Variants in ZNF521 observed in about 807,000 individuals in gnomAD.
The protein encoded by ZNF521 is LYST-interacting protein 3.
In ZNF521, 14 loss-of-function variants were observed where a neutral mutation model predicts 105.5. That is an observed-to-expected ratio of 0.13 (90% CI 0.09 to 0.21). The LOEUF (loss-of-function observed/expected upper bound fraction) is 0.21. ZNF521 is among the 10% of genes least tolerant of loss of function. The pLI, the probability that ZNF521 is intolerant of heterozygous loss-of-function variation, is 1.00. For missense variants in ZNF521, 1,233 were observed against 1,629.7 expected (o/e 0.76, Z 4.19); for synonymous variants, 635 against 606.0 (o/e 1.05, Z -0.70).
intron 5 of ZNF521, among the ~76,000 whole-genome samples, chr18:25,125,723 C>CTT (rs34007183): frequency 1.4e-5 from 2 of 147,056 alleles, no homozygotes; most frequent in Non-Finnish European, 1.5e-5. Context: ...TTCAAAACTG[C>CTT]TTTTTTTTTT....
chr18:25,300,430 A>G (rs114444032), intron 3 of ZNF521, among the ~76,000 whole-genome samples: 3,997 of 152,328 alleles, frequency 0.026, 172 homozygotes, highest in African/African-American at 0.092. Flanking sequence ...CGATGACAAT[A>G]TAATAGAAAT....
intron 3 of ZNF521, among the ~76,000 whole-genome samples, chr18:25,288,750 G>C (rs917975189): frequency 1.3e-5 from 2 of 152,116 alleles, no homozygotes; most frequent in Admixed American, 6.6e-5. Flanking sequence ...ACGTTACCCA[G>C]TTCCTAGGTA....
At chr18:25,219,467 AGTGG>A (rs1905550908) in intron 4 of ZNF521, among the ~76,000 whole-genome samples, 1 of 152,214 alleles carries the variant, frequency 6.6e-6, no homozygotes. Context: ...GGAACATGTG[AGTGG>A]ATACGTGTAG....
chr18:25,085,227 G>GTATA (rs201952893), intron 7 of ZNF521, among the ~76,000 whole-genome samples: 2,949 of 148,412 alleles, frequency 0.02, 43 homozygotes, highest in Non-Finnish European at 0.029. Flanking sequence ...ATTTTTATGT[G>GTATA]TATATATATA....
At chr18:25,101,398 TGAG>T (rs1156306581) in intron 5 of ZNF521, among the ~76,000 whole-genome samples, 1 of 152,068 alleles carries the variant, frequency 6.6e-6, no homozygotes, top group African/African-American at 2.4e-5. Flanking sequence ...ATTTACAGAA[TGAG>T]GAGAAGGGGT....
chr18:25,137,141 A>C (rs1204851775), intron 5 of ZNF521, among the ~76,000 whole-genome samples: 1 of 152,186 alleles, frequency 6.6e-6, no homozygotes, highest in East Asian at 1.9e-4. Flanking sequence ...TCTTCCTAAA[A>C]CAGCCAAAAT....
At chr18:25,237,570 G>C (rs1415671862) in intron 3 of ZNF521, among the ~76,000 whole-genome samples, 8 of 152,028 alleles carry the variant, frequency 5.3e-5, no homozygotes. Flanking sequence ...CTCCATCCAA[G>C]ATACTTTAAA....
intron 5 of ZNF521, among the ~76,000 whole-genome samples, chr18:25,160,550 CCACT>C (rs989739801): frequency 1.3e-5 from 2 of 152,160 alleles, no homozygotes; most frequent in African/African-American, 4.8e-5. Context: ...ACACACATCA[CCACT>C]CATTCAGATG....
intron 5 of ZNF521, among the ~76,000 whole-genome samples, chr18:25,106,179 T>C (rs2034069047): frequency 6.6e-6 from 1 of 152,176 alleles, no homozygotes; most frequent in South Asian, 2.1e-4. Flanking sequence ...AAATCCAAAA[T>C]GTCATTATTT....
At chr18:25,102,614 A>G (rs2033990123) in intron 5 of ZNF521, among the ~76,000 whole-genome samples, 1 of 151,980 alleles carries the variant, frequency 6.6e-6, no homozygotes, top group African/African-American at 2.4e-5. Flanking sequence ...TGCAGCCTCA[A>G]GCTCCTCGGC....
chr18:25,332,981 A>G (rs901337741), intron 2 of ZNF521, among the ~76,000 whole-genome samples: 5 of 152,214 alleles, frequency 3.3e-5, no homozygotes, highest in African/African-American at 1.2e-4. Context: ...TATTGTCTCA[A>G]TCTCGACTTG....
In ZNF521 at chr18:25,225,443, T is replaced by C. The variant is rs1906054791; in HGVS notation, c.2475A>G (p.Glu825=). The C allele has an allele frequency of 6.2e-7, 1 of 1,614,090 alleles. No homozygotes were observed. Among genetic ancestry groups the C allele is most frequent in the African/African-American group, 1.3e-5 (1 of 74,918 alleles). The change falls in exon 4 of 8, where the codon GAA becomes GAG. Residue 825 remains glutamate, a synonymous_variant. Coordinates refer to ENST00000361524, the MANE Select transcript of ZNF521 (RefSeq NM_015461.3). This position sits in a 1 kb window ranked among gnomAD's most constrained non-coding sequence, Gnocchi z 5.6. ...SKAFHAIILL[E]KHLREKHCVF... The stretch of plus-strand genomic sequence containing the variant: ...CACAGTGTTTTTCTCGCAAGTGTTT[T>C]TCTAACAAAATGATCGCATGGAAGG...
chr18:25,338,017 A>G (rs1240132289), intron 2 of ZNF521, among the ~76,000 whole-genome samples: 1 of 152,180 alleles, frequency 6.6e-6, no homozygotes, highest in African/African-American at 2.4e-5. Flanking sequence ...GTTTGGGGAA[A>G]AGAAAAAACA....
intron 5 of ZNF521, among the ~76,000 whole-genome samples, chr18:25,166,091 C>T (rs2144540584): frequency 6.6e-6 from 1 of 152,258 alleles, no homozygotes; most frequent in Admixed American, 6.5e-5. Flanking sequence ...AAGTGCTATC[C>T]ATTTTTTAAA....
chr18:25,206,056 T>C (rs1163861219), intron 4 of ZNF521, among the ~76,000 whole-genome samples: 1 of 152,086 alleles, frequency 6.6e-6, no homozygotes, highest in Non-Finnish European at 1.5e-5. Context: ...CAGGCTGGAG[T>C]GCAATGGCAC....
intron 4 of ZNF521, among the ~76,000 whole-genome samples, chr18:25,206,516 C>G (rs1198231440): frequency 6.6e-6 from 1 of 152,012 alleles, no homozygotes; most frequent in Non-Finnish European, 1.5e-5. Flanking sequence ...AGAAATACCT[C>G]GTGTTCTGGT....
chr18:25,101,254 A>C (rs1356548529), intron 5 of ZNF521, among the ~76,000 whole-genome samples: 1 of 152,096 alleles, frequency 6.6e-6, no homozygotes, highest in Non-Finnish European at 1.5e-5. Context: ...ATGTGGACTG[A>C]AAATATAGTA....
intron 5 of ZNF521, among the ~76,000 whole-genome samples, chr18:25,143,000 T>C (rs1482569108): frequency 6.6e-6 from 1 of 152,218 alleles, no homozygotes; most frequent in Non-Finnish European, 1.5e-5. Flanking sequence ...GAGATGTTCA[T>C]GTTGTTATCA....
chr18:25,292,368 C>T (rs1177293980), intron 3 of ZNF521, among the ~76,000 whole-genome samples: 1 of 152,200 alleles, frequency 6.6e-6, no homozygotes, highest in Non-Finnish European at 1.5e-5. Context: ...ACTGCACTTA[C>T]ATTTCACATG....
Sources: allele counts gnomAD v4.1 joint callset (sites outside exome capture counted in the v4.1 genomes callset), GRCh38; gene constraint gnomAD v4.1.1; non-coding constraint Gnocchi (gnomAD v3.1); transcripts MANE v1.5; gene names NCBI Gene and HGNC (gene_info 2026-07-23, HGNC 2026-07-21).